Variants in JMJD1C observed in about 807,000 individuals in gnomAD.
JMJD1C encodes jumonji domain containing 1C.
JMJD1C carries 31 observed loss-of-function variants against 245.3 expected under a neutral mutation model. The ratio of observed to expected loss-of-function variants is 0.13; its 90% CI spans 0.09 to 0.17. The LOEUF (loss-of-function observed/expected upper bound fraction) is 0.17, where lower values mean the gene tolerates loss of function less well. JMJD1C is among the 10% of genes least tolerant of loss of function. The probability of loss-of-function intolerance (pLI) is 1.00; values close to 1 mark genes in which losing one functional copy is unlikely to be tolerated. For synonymous variants in JMJD1C, 1,057 were observed against 1,017.4 expected, an observed-to-expected ratio of 1.04 and a Z score of -0.74; for missense variants, 2,691 against 3,000.2, an observed-to-expected ratio of 0.90 and a Z score of 2.41.
intron 1 of JMJD1C, among the ~76,000 whole-genome samples, chr10:63,415,758 C>T (rs554206547): frequency 2.0e-5 from 3 of 152,272 alleles, no homozygotes; most frequent in Non-Finnish European, 2.9e-5. Context: ...TAACCTAACA[C>T]AATGAAAAAC....
chr10:63,480,502 G>A (rs1280581804), intron 1 of JMJD1C, among the ~76,000 whole-genome samples: 1 of 151,770 alleles, frequency 6.6e-6, no homozygotes, highest in Non-Finnish European at 1.5e-5. Flanking sequence ...GTTTTATAAA[G>A]CCAACACAAC....
chr10:63,449,190 C>T (rs1951887033), intron 1 of JMJD1C, among the ~76,000 whole-genome samples: 2 of 152,060 alleles, frequency 1.3e-5, no homozygotes, highest in Admixed American at 1.3e-4. Context: ...AGTAAATAAT[C>T]ATCACTAAAA....
chr10:63,462,601 A>T (rs1051532743), intron 1 of JMJD1C, among the ~76,000 whole-genome samples: 3 of 152,182 alleles, frequency 2.0e-5, no homozygotes, highest in Non-Finnish European at 4.4e-5. Flanking sequence ...GGCACTTACA[A>T]GTGTAATGGG....
intron 2 of JMJD1C, among the ~76,000 whole-genome samples, chr10:63,305,360 C>T (rs1937900442): frequency 1.1e-5 from 1 of 95,234 alleles, no homozygotes; most frequent in Non-Finnish European, 2.2e-5. Context: ...GAGCAAGACT[C>T]CACCTCAAAA....
At chr10:63,394,060 A>T (rs1234417056) in intron 1 of JMJD1C, among the ~76,000 whole-genome samples, 3 of 151,904 alleles carry the variant, frequency 2.0e-5, no homozygotes, top group Non-Finnish European at 2.9e-5. Flanking sequence ...TAGTGTGCGC[A>T]CCTGCAGTCC....
intron 2 of JMJD1C, among the ~76,000 whole-genome samples, chr10:63,270,473 C>CTT (rs538368803): frequency 6.9e-6 from 1 of 145,226 alleles, no homozygotes; most frequent in Non-Finnish European, 1.5e-5. Context: ...CCAGCCTCTT[C>CTT]TTTTTTTTTT....
At chr10:63,470,549 ATTCAT>A (rs1485927586), upstream of JMJD1C, among the ~76,000 whole-genome samples, 2 of 152,194 alleles carry the variant, frequency 1.3e-5, no homozygotes, top group Non-Finnish European at 2.9e-5. Context: ...AAGAAAAAAC[ATTCAT>A]TTCATTACCA....
intron 1 of JMJD1C, among the ~76,000 whole-genome samples, chr10:63,451,403 C>T (rs906339619): frequency 2.0e-5 from 3 of 152,164 alleles, no homozygotes; most frequent in African/African-American, 7.2e-5. Flanking sequence ...ATCAAAAACG[C>T]TGCAGGACTG....
intron 3 of JMJD1C, among the ~76,000 whole-genome samples, chr10:63,220,662 T>G (rs976422376): frequency 1.3e-5 from 2 of 152,128 alleles, no homozygotes; most frequent in African/African-American, 4.8e-5. Flanking sequence ...TTCCCACAAT[T>G]TGCTGGTCTC....
intron 22 of JMJD1C, among the ~76,000 whole-genome samples, chr10:63,179,323 C>G (rs1299141082): frequency 6.6e-6 from 1 of 151,702 alleles, no homozygotes; most frequent in Non-Finnish European, 1.5e-5. Context: ...GAAGGAGAAT[C>G]GCTTGAACCC....
intron 1 of JMJD1C, among the ~76,000 whole-genome samples, chr10:63,420,751 A>C (rs934778394): frequency 1.3e-5 from 2 of 151,674 alleles, no homozygotes; most frequent in Admixed American, 1.3e-4. Context: ...CTGGGAAAGA[A>C]AGAATTAGTT....
At chr10:63,413,216 TAACAGG>T (rs750532164) in intron 1 of JMJD1C, among the ~76,000 whole-genome samples, 4 of 152,158 alleles carry the variant, frequency 2.6e-5, no homozygotes, top group Non-Finnish European at 5.9e-5. Context: ...CTTAAAGAGG[TAACAGG>T]AAAAGAGGTC....
chr10:63,231,442 C>T (rs1469650271), intron 3 of JMJD1C, among the ~76,000 whole-genome samples: 1 of 152,080 alleles, frequency 6.6e-6, no homozygotes, highest in East Asian at 1.9e-4. Context: ...TGAGCAAGCC[C>T]GAGATCTGTA....
rs138776562 is a variant in JMJD1C at position 63,445,580 on chromosome 10, G to A, written c.168+19915C>T. ...GCAGGATATCATGTAGAGTCTCTCA[G>A]CCCATTATAAGGCCTTCATCTTTTA... is the stretch of plus-strand genomic sequence containing the variant. On this transcript the variant is annotated intron_variant, in intron 1 of 25. Transcript: ENST00000399262. Among the ~76,000 whole-genome samples, 489 of 152,306 alleles carry A rather than the reference G, an allele frequency of 3.2e-3. 2 individuals are homozygous for A. Among genetic ancestry groups the A allele is most frequent in the African/African-American group, 0.011 (474 of 41,560 alleles).
At chr10:63,411,601 A>ATTTTT (rs35643037) in intron 1 of JMJD1C, among the ~76,000 whole-genome samples, 18 of 120,060 alleles carry the variant, frequency 1.5e-4, no homozygotes, top group African/African-American at 5.4e-4. Flanking sequence ...ACTCGGCCTG[A>ATTTTT]TTTTTTTTTT....
chr10:63,177,427 T>G, intron 23 of JMJD1C: 1 of 320,646 alleles, frequency 3.1e-6, no homozygotes, highest in Non-Finnish European at 5.7e-6. Context: ...TAGCTACTTT[T>G]CGCCACCCAA....
chr10:63,410,049 G>A (rs1159642131), intron 1 of JMJD1C, among the ~76,000 whole-genome samples: 1 of 152,126 alleles, frequency 6.6e-6, no homozygotes, highest in African/African-American at 2.4e-5. Context: ...ATAAGGAAGT[G>A]TCTTCTCTAG....
chr10:63,380,956 A>G (rs552312719), intron 1 of JMJD1C, among the ~76,000 whole-genome samples: 1 of 152,360 alleles, frequency 6.6e-6, no homozygotes, highest in East Asian at 1.9e-4. Flanking sequence ...TTGAAGAGAC[A>G]GCTGCACATC....
intron 1 of JMJD1C, among the ~76,000 whole-genome samples, chr10:63,438,995 C>A (rs1951210782): frequency 6.6e-6 from 1 of 152,170 alleles, no homozygotes; most frequent in African/African-American, 2.4e-5. Flanking sequence ...GATCCACTTC[C>A]TTTCACAACT....
Sources: allele counts gnomAD v4.1 joint callset (sites outside exome capture counted in the v4.1 genomes callset), GRCh38; gene constraint gnomAD v4.1.1; transcripts MANE v1.5; gene names NCBI Gene and HGNC (gene_info 2026-07-23, HGNC 2026-07-21).